CACHD1: variants seen among roughly 807,000 people sequenced by gnomAD.
CACHD1 encodes the protein cache domain containing 1, also known as VWFA and cache domain-containing protein 1.
In CACHD1, 71 loss-of-function variants were observed where a neutral mutation model predicts 138.7. The observed-to-expected ratio is 0.51, with a 90% confidence interval of 0.42 to 0.62. The LOEUF (loss-of-function observed/expected upper bound fraction) is 0.62. Among genes scored for constraint, CACHD1 ranks in the 20% least tolerant of loss-of-function variants. The pLI is 0.00. For synonymous variants in CACHD1, 578 were observed against 591.5 expected (o/e 0.98, Z 0.33); for missense variants, 1,389 against 1,625.3 (o/e 0.85, Z 2.50).
Position 64,687,133 on chromosome 1 carries a change from T to C in CACHD1, c.3587-4190T>C, listed in dbSNP as rs150372716. Reference sequence around the variant, plus strand: ...ACACTTTGCTACATAAGCCTTTGGATAGTAAATAAATTTTTCCTTGAAAGT... The same window carrying C: ...ACACTTTGCTACATAAGCCTTTGGACAGTAAATAAATTTTTCCTTGAAAGT... On this transcript the variant is annotated intron_variant, in intron 26 of 26. Coordinates refer to ENST00000651257, the MANE Select transcript of CACHD1 (RefSeq NM_020925.4). Among the ~76,000 whole-genome samples the C allele has an allele frequency of 4.6e-3, 698 of 152,342 alleles. 8 individuals are homozygous for C. Among genetic ancestry groups the C allele is most frequent in the African/African-American group, 0.016 (654 of 41,574 alleles).
chr1:64,680,656 G>A (rs905131577), intron 24 of CACHD1, among the ~76,000 whole-genome samples: 5 of 152,098 alleles, frequency 3.3e-5, no homozygotes, highest in Admixed American at 6.5e-5. Flanking sequence ...CCCAGTCCCC[G>A]GGGATGTGTT....
intron 1 of CACHD1, among the ~76,000 whole-genome samples, chr1:64,550,059 T>C (rs1190264613): frequency 1.3e-5 from 2 of 152,190 alleles, no homozygotes; most frequent in Middle Eastern, 3.2e-3. Context: ...ATGTAAGAAC[T>C]GGATCTTCTC....
At chr1:64,604,278 A>G (rs2375268) in intron 4 of CACHD1, among the ~76,000 whole-genome samples, 44,426 of 152,108 alleles carry the variant, frequency 0.29, 7,525 homozygotes, top group African/African-American at 0.47. Flanking sequence ...TAGGCATATC[A>G]TTTTTCATTG....
At chr1:64,621,854 C>T (rs1045404039) in intron 4 of CACHD1, among the ~76,000 whole-genome samples, 8 of 152,102 alleles carry the variant, frequency 5.3e-5, no homozygotes, top group Non-Finnish European at 7.3e-5. Context: ...AAGTGTAGTA[C>T]AGTAGGGAAC....
At chr1:64,569,634 C>G (rs1359644988) in intron 2 of CACHD1, among the ~76,000 whole-genome samples, 2 of 152,110 alleles carry the variant, frequency 1.3e-5, no homozygotes, top group African/African-American at 4.8e-5. Flanking sequence ...TCTCTGTGTT[C>G]CAGCTGAAGG....
intron 2 of CACHD1, among the ~76,000 whole-genome samples, chr1:64,551,346 A>G (rs1646757509): frequency 6.6e-6 from 1 of 152,060 alleles, no homozygotes; most frequent in Non-Finnish European, 1.5e-5. Flanking sequence ...CTCCTAAAAT[A>G]TAGTGTTGAT....
chr1:64,485,877 T>G (rs1646238953), intron 1 of CACHD1, among the ~76,000 whole-genome samples: 2 of 152,208 alleles, frequency 1.3e-5, no homozygotes, highest in African/African-American at 4.8e-5. Context: ...TTTTCATATT[T>G]CTAGGGGTGG....
At chr1:64,498,200 C>G (rs776463922) in intron 1 of CACHD1, among the ~76,000 whole-genome samples, 4 of 152,040 alleles carry the variant, frequency 2.6e-5, no homozygotes, top group Non-Finnish European at 5.9e-5. Flanking sequence ...CACCAAAGCT[C>G]GGAGAGAGCT....
At chr1:64,627,510 GT>G (rs1484491788) in intron 4 of CACHD1, among the ~76,000 whole-genome samples, 9 of 152,138 alleles carry the variant, frequency 5.9e-5, no homozygotes. Context: ...AGGAGACAGA[GT>G]AGACCATCGT....
Position 64,470,733 on chromosome 1 carries a change from G to C in CACHD1, c.-12G>C. 2 of 586,700 alleles carry C rather than the reference G, an allele frequency of 3.4e-6. No homozygotes were observed. Among genetic ancestry groups the C allele is most frequent in the Non-Finnish European group, 5.6e-6 (2 of 356,390 alleles). 36.3% of individuals were successfully genotyped at this position (586,700 alleles called of 1,614,324 possible). The stretch of plus-strand genomic sequence containing the variant: ...GCCCGGAGCCCGTCGGCGGGGAGTG[G>C]GGGGAGGCAGCATGGCCCGCCAGCC... On this transcript the variant is annotated 5_prime_UTR_variant, in exon 1 of 27. Coordinates refer to ENST00000651257, the MANE Select transcript of CACHD1 (RefSeq NM_020925.4). This position sits in a 1 kb window ranked among gnomAD's most constrained non-coding sequence, Gnocchi z 5.2.
chr1:64,564,111 C>G (rs1424154479), intron 2 of CACHD1, among the ~76,000 whole-genome samples: 1 of 152,180 alleles, frequency 6.6e-6, no homozygotes, highest in African/African-American at 2.4e-5. Context: ...GCATGCAGAG[C>G]CTTTTCTCTG....
intron 1 of CACHD1, among the ~76,000 whole-genome samples, chr1:64,514,844 T>G (rs564679274): frequency 1.8e-4 from 28 of 152,356 alleles, no homozygotes; most frequent in African/African-American, 5.5e-4. Flanking sequence ...TAATTTGGCC[T>G]GATTTGTTCT....
chr1:64,680,289 G>C (rs1253030690), intron 24 of CACHD1, among the ~76,000 whole-genome samples: 1 of 152,046 alleles, frequency 6.6e-6, no homozygotes. Flanking sequence ...AGGAGTTCAA[G>C]ACCAGCCTGG....
intron 1 of CACHD1, among the ~76,000 whole-genome samples, chr1:64,478,151 T>C (rs900165932): frequency 1.3e-5 from 2 of 152,224 alleles, no homozygotes; most frequent in Non-Finnish European, 2.9e-5. Flanking sequence ...AATAAAACCA[T>C]TGGTGACTCT....
At chr1:64,656,165 G>A (rs1383674488) in intron 12 of CACHD1, among the ~76,000 whole-genome samples, 2 of 152,168 alleles carry the variant, frequency 1.3e-5, no homozygotes, top group African/African-American at 2.4e-5. Context: ...TATGGCAATA[G>A]CAATTACTAA....
intron 2 of CACHD1, among the ~76,000 whole-genome samples, chr1:64,561,836 G>A (rs1263319998): frequency 2.3e-5 from 3 of 132,000 alleles, no homozygotes; most frequent in African/African-American, 8.3e-5. Context: ...CCAGTCTGGG[G>A]AACAGAGCAA....
At chr1:64,546,340 C>CT (rs35048029) in intron 1 of CACHD1, among the ~76,000 whole-genome samples, 18,060 of 146,054 alleles carry the variant, frequency 0.12, 2,111 homozygotes, top group African/African-American at 0.31. Context: ...TTTTCGTTTA[C>CT]TTTTTTTTTT....
rs144767315 is a variant in CACHD1, at chr1:64,500,776, G to A, written c.198+29834G>A. On this transcript the variant is annotated intron_variant, in intron 1 of 26. Transcript: ENST00000651257. The stretch of plus-strand genomic sequence containing the variant: ...AGAGAGAGAGAGAGAGTCCGGACGC[G>A]GTGGCTCATGCCTGTAATCCCAGCA... Among the ~76,000 whole-genome samples, 254 of 148,352 alleles carry A rather than the reference G, an allele frequency of 1.7e-3. 5 individuals are homozygous for A. The South Asian group carries it at 0.045, about 27-fold the overall frequency.
At chr1:64,677,852 A>G (rs1650047801) in intron 22 of CACHD1, among the ~76,000 whole-genome samples, 1 of 152,088 alleles carries the variant, frequency 6.6e-6, no homozygotes, top group Non-Finnish European at 1.5e-5. Context: ...TCTAACAAAC[A>G]TTGGGGTCAT....
Sources: allele counts gnomAD v4.1 joint callset (sites outside exome capture counted in the v4.1 genomes callset), GRCh38; gene constraint gnomAD v4.1.1; non-coding constraint Gnocchi (gnomAD v3.1); transcripts MANE v1.5; gene names NCBI Gene and HGNC (gene_info 2026-07-23, HGNC 2026-07-21).